FCAR: variants seen among roughly 807,000 people sequenced by gnomAD.
FCAR encodes Fc alpha receptor.
FCAR carries 21 observed loss-of-function variants against 27.1 expected under a neutral mutation model. The ratio of observed to expected loss-of-function variants is 0.77; its 90% CI spans 0.55 to 1.11. The LOEUF is 1.11. FCAR is among the 50% of genes most tolerant of loss of function. FCAR has a pLI of 0.00. For missense variants in FCAR, 404 were observed against 358.4 expected (o/e 1.13, Z -1.03); for synonymous variants, 134 against 135.8 (o/e 0.99, Z 0.09).
intron 2 of FCAR, among the ~76,000 whole-genome samples, chr19:54,881,446 G>A (rs1210281858): frequency 6.6e-6 from 1 of 152,122 alleles, no homozygotes; most frequent in Admixed American, 6.5e-5. Context: ...ACAGCTGCTG[G>A]GAACGCTCCG....
chr19:54,875,994 A>T (rs1419610924), intron 2 of FCAR, among the ~76,000 whole-genome samples: 1 of 152,156 alleles, frequency 6.6e-6, no homozygotes. Flanking sequence ...TGTTTGTGTC[A>T]TCTATGATTT....
chr19:54,874,240 G>A lies in FCAR; in HGVS notation c.-50G>A, dbSNP rs780769256. The A allele has an allele frequency of 6.2e-7, 1 of 1,604,696 alleles. No homozygotes were observed. Reference sequence around the variant, plus strand: ...TTGTCGTAAGAATATCTGTCATCCTGCTAATGTGCATTGAAAGGAGAGCAA... The same window carrying A: ...TTGTCGTAAGAATATCTGTCATCCTACTAATGTGCATTGAAAGGAGAGCAA... On this transcript the variant is annotated 5_prime_UTR_variant, in exon 1 of 5. Coordinates refer to ENST00000355524, the MANE Select transcript of FCAR (RefSeq NM_002000.4).
rs558074105 is a variant in FCAR at position 54,874,956 on chromosome 19, G to T, written c.35-374G>T. On this transcript the variant is annotated intron_variant, in intron 1 of 4. Transcript: ENST00000355524. ...GAGGCCAAGGCAGGCGGATCACAAG[G>T]TCAGGAGATCAAAACCATCCTGGCC... Among the ~76,000 whole-genome samples the T allele has an allele frequency of 2.6e-5, 4 of 152,176 alleles. No homozygotes were observed. The East Asian group carries it at 5.8e-4, about 22-fold the overall frequency.
rs571488110 is a variant in FCAR, at chr19:54,874,266, C to G, written c.-24C>G. 1.2e-6 allele frequency: 2 copies of G among 1,613,724 alleles called. No homozygotes were observed. Among genetic ancestry groups the G allele is most frequent in the South Asian group, 1.1e-5 (1 of 91,052 alleles). ...CTAATGTGCATTGAAAGGAGAGCAA[C>G]GGGGCTGAGGCCGTGTCAGCACGAT... On this transcript the variant is annotated 5_prime_UTR_variant, in exon 1 of 5. Coordinates refer to ENST00000355524, the MANE Select transcript of FCAR (RefSeq NM_002000.4).
At chr19:54,885,042 G>A (rs2066624796) in intron 2 of FCAR, among the ~76,000 whole-genome samples, 193 bp from the exon 3 acceptor site, 2 of 152,086 alleles carry the variant, frequency 1.3e-5, no homozygotes, top group Non-Finnish European at 2.9e-5. Flanking sequence ...TCGTCACCTT[G>A]TGATCCACCC....
rs769952103 is a variant in FCAR at position 54,890,842 on chromosome 19, A to G, written c.*979A>G. Reference sequence around the variant, plus strand: ...TTTTTGTTGAAGTGAGGCTCTCCCTATGTTGCCTAAGCTGGTCTTGAACTC... The same window carrying G: ...TTTTTGTTGAAGTGAGGCTCTCCCTGTGTTGCCTAAGCTGGTCTTGAACTC... On this transcript the variant is annotated 3_prime_UTR_variant, in exon 5 of 5. Coordinates refer to ENST00000355524, the MANE Select transcript of FCAR (RefSeq NM_002000.4). 1.3e-5 allele frequency: 2 copies of G among 151,896 alleles called. No homozygotes were observed. The highest frequency in any genetic ancestry group is 2.1e-4 in the South Asian group (1 of 4,812). The allele number at this position is 151,896 out of a possible 1,614,324, so 9.4% of individuals were successfully genotyped here.
intron 3 of FCAR, among the ~76,000 whole-genome samples, chr19:54,886,073 C>G (rs900759847): frequency 6.6e-6 from 1 of 152,086 alleles, no homozygotes; most frequent in Non-Finnish European, 1.5e-5. Flanking sequence ...ACAGTGAAAC[C>G]TCGTCTCTAC....
At chr19:54,878,472 A>G (rs1364105801) in intron 2 of FCAR, among the ~76,000 whole-genome samples, 3 of 152,098 alleles carry the variant, frequency 2.0e-5, no homozygotes, top group Non-Finnish European at 4.4e-5. Context: ...CTCTCAGAAC[A>G]CGCTTTATGA....
At chr19:54,886,869 A>G (rs1260215868) in intron 3 of FCAR, among the ~76,000 whole-genome samples, 2 of 152,364 alleles carry the variant, frequency 1.3e-5, no homozygotes, top group East Asian at 3.9e-4. Context: ...CATTGCAGGC[A>G]AGACCACAGA....
In FCAR at chr19:54,890,998, T is replaced by C. The variant is rs2067048399; in HGVS notation, c.*1135T>C. 1 of 152,220 alleles carries C rather than the reference T, an allele frequency of 6.6e-6. No individual in the cohort carries two copies. Among genetic ancestry groups the C allele is most frequent in the African/African-American group, 2.4e-5 (1 of 41,468 alleles). The allele number at this position is 152,220 out of a possible 1,614,324, so 9.4% of individuals were successfully genotyped here. On this transcript the variant is annotated 3_prime_UTR_variant, in exon 5 of 5. Transcript: ENST00000355524. ...AAACCCTATTTCTACCGGATTTTCA[T>C]ACAAGGAATACAGGCATGTGTTTCA...
intron 3 of FCAR, among the ~76,000 whole-genome samples, 165 bp downstream of exon 3, chr19:54,885,690 A>T (rs1483599927): frequency 6.6e-6 from 1 of 152,240 alleles, no homozygotes; most frequent in Admixed American, 6.5e-5. Context: ...AACATCTTAC[A>T]TTAGTATGGC....
chr19:54,878,697 G>T (rs2066236813), intron 2 of FCAR, among the ~76,000 whole-genome samples: 1 of 146,972 alleles, frequency 6.8e-6, no homozygotes. Flanking sequence ...TGCCTTTTTT[G>T]ATCTTTGTTG....
At position 54,874,342 on chromosome 19, in the gene FCAR, G is replaced by T. The variant is rs199587214; in HGVS notation, c.34+19G>T. 322 of 1,613,898 alleles carry T rather than the reference G, an allele frequency of 2.0e-4. 1 individual carries two copies. The highest frequency in any genetic ancestry group is 1.7e-3 in the Middle Eastern group (10 of 6,060). ...TGTCTTGGTGAGTTTCAGAGTAAAA[G>T]TGGGTTAGAGGGGAAGATAGAGAAA... On this transcript the variant is annotated intron_variant, in intron 1 of 4. Transcript: ENST00000355524.
chr19:54,889,998 T>C lies in FCAR; in HGVS notation c.*135T>C, dbSNP rs2066991581. Reference sequence around the variant, plus strand: ...TTTTTTGAGACAGAGTCTGGCTCTGTCACCCAGGCTGGAGTGCAGTGGAGC... The same window carrying C: ...TTTTTTGAGACAGAGTCTGGCTCTGCCACCCAGGCTGGAGTGCAGTGGAGC... On this transcript the variant is annotated 3_prime_UTR_variant, in exon 5 of 5. Transcript: ENST00000355524. 4 of 654,414 alleles carry C rather than the reference T, an allele frequency of 6.1e-6. No homozygotes were observed. The South Asian group carries it at 7.5e-5, about 12-fold the overall frequency. 40.5% of individuals were successfully genotyped at this position (654,414 alleles called of 1,614,324 possible). A position where few individuals can be genotyped will look rare whatever the true frequency, so the allele number is the denominator to read the frequency against.
intron 2 of FCAR, among the ~76,000 whole-genome samples, chr19:54,879,676 ATTT>A (rs34625687): frequency 1.0e-3 from 133 of 129,154 alleles, no homozygotes; most frequent in Admixed American, 1.7e-3. Flanking sequence ...GCCTTTTCAC[ATTT>A]TTTTTTTTTT....
In FCAR at chr19:54,890,094, C is replaced by CCTGT; in HGVS notation, c.*231_*232insCTGT. 1 of 579,006 alleles carries CCTGT rather than the reference C, an allele frequency of 1.7e-6. No homozygotes were observed. Among genetic ancestry groups the CCTGT allele is most frequent in the Non-Finnish European group, 3.1e-6 (1 of 324,986 alleles). 35.9% of individuals were successfully genotyped at this position (579,006 alleles called of 1,614,324 possible). ...TCAGCCTCCCAAGTAGCTGGAATTA[C>CCTGT]AGGCACATACCACTGCACCCAGCTA... is the stretch of plus-strand genomic sequence containing the variant. On this transcript the variant is annotated 3_prime_UTR_variant, in exon 5 of 5. Transcript: ENST00000355524.
chr19:54,878,397 T>C (rs1038268932), intron 2 of FCAR, among the ~76,000 whole-genome samples: 3 of 152,198 alleles, frequency 2.0e-5, no homozygotes, highest in African/African-American at 7.2e-5. Flanking sequence ...AATGATCTAA[T>C]ACTGTCGGCG....
chr19:54,877,403 TTC>T (rs2066155706), intron 2 of FCAR, among the ~76,000 whole-genome samples: 1 of 152,220 alleles, frequency 6.6e-6, no homozygotes. Context: ...GTTCATAATA[TTC>T]TCTGATGATT....
intron 2 of FCAR, among the ~76,000 whole-genome samples, chr19:54,881,835 C>A (rs891918093): frequency 1.3e-5 from 2 of 152,058 alleles, no homozygotes; most frequent in African/African-American, 2.4e-5. Context: ...GAGCCGAGAT[C>A]GGGCCACTGC....
Sources: allele counts gnomAD v4.1 joint callset (sites outside exome capture counted in the v4.1 genomes callset), GRCh38; gene constraint gnomAD v4.1.1; transcripts MANE v1.5; gene names NCBI Gene and HGNC (gene_info 2026-07-23, HGNC 2026-07-21).